The following CEP162 variants were observed in gnomAD, a reference collection of about 807,000 sequenced individuals.
The protein encoded by CEP162 is centrosomal protein of 162 kDa.
Under a neutral mutation model 169.2 loss-of-function variants are expected in CEP162, and 141 were observed. The ratio of observed to expected loss-of-function variants is 0.83; its 90% CI spans 0.73 to 0.96. The LOEUF is 0.96. CEP162 is among the 40% of genes least tolerant of loss of function. The probability of loss-of-function intolerance (pLI) is 0.00; values close to 1 mark genes in which losing one functional copy is unlikely to be tolerated. For missense variants in CEP162, 1,600 were observed against 1,587.2 expected (o/e 1.01, Z -0.14); for synonymous variants, 540 against 526.4 (o/e 1.03, Z -0.35).
At chr6:84,187,302 G>C (rs1457185712) in intron 11 of CEP162, among the ~76,000 whole-genome samples, 1 of 152,066 alleles carries the variant, frequency 6.6e-6, no homozygotes, top group Admixed American at 6.5e-5. Context: ...CAAAAATATG[G>C]GAACTGTTAG....
intron 15 of CEP162, 147 bp downstream of exon 15, chr6:84,174,579 CA>C (rs2099531590): frequency 1.9e-6 from 1 of 514,532 alleles, no homozygotes; most frequent in South Asian, 3.3e-5. Context: ...TGTACGGAAT[CA>C]CTCTTGGAAC....
intron 3 of CEP162, among the ~76,000 whole-genome samples, chr6:84,220,028 GCA>G (rs2099553058): frequency 6.6e-6 from 1 of 152,160 alleles, no homozygotes; most frequent in Non-Finnish European, 1.5e-5. Context: ...ATGAGATAAT[GCA>G]CAGAGGCAGG....
chr6:84,157,811 G>A (rs1401865478), intron 21 of CEP162, among the ~76,000 whole-genome samples: 2 of 152,058 alleles, frequency 1.3e-5, no homozygotes, highest in East Asian at 3.9e-4. Context: ...ATATGCACAT[G>A]AGTGTGTAAA....
At chr6:84,201,704 G>T in intron 8 of CEP162, 33 bp downstream of exon 8, 2 of 1,119,654 alleles carry the variant, frequency 1.8e-6, no homozygotes, top group East Asian at 2.7e-5. Context: ...CTAATTTTTT[G>T]CCAACTAAAA....
At chr6:84,201,080 C>T (rs1208900304) in intron 8 of CEP162, among the ~76,000 whole-genome samples, 175 bp from the exon 9 acceptor site, 4 of 152,186 alleles carry the variant, frequency 2.6e-5, no homozygotes, top group East Asian at 1.9e-4. Flanking sequence ...AGATCGAGAC[C>T]ATCCTGGCTA....
At chr6:84,202,804 T>C (rs2099545163) in intron 7 of CEP162, among the ~76,000 whole-genome samples, 1 of 152,108 alleles carries the variant, frequency 6.6e-6, no homozygotes, top group African/African-American at 2.4e-5. Flanking sequence ...ATAAATCTCA[T>C]TAAATTTCTA....
chr6:84,180,067 CT>C (rs1240143985), intron 13 of CEP162, among the ~76,000 whole-genome samples: 2 of 152,084 alleles, frequency 1.3e-5, no homozygotes, highest in Non-Finnish European at 2.9e-5. Flanking sequence ...ACCAATGCCC[CT>C]GATGAACATT....
intron 9 of CEP162, among the ~76,000 whole-genome samples, chr6:84,195,289 A>G (rs937233114): frequency 3.3e-5 from 5 of 152,210 alleles, no homozygotes; most frequent in Non-Finnish European, 5.9e-5. Flanking sequence ...TAAGCATAAA[A>G]TCTGCTTTCA....
In CEP162 at chr6:84,193,686, C is replaced by A; in HGVS notation, c.1032G>T (p.Leu344=). The change falls in exon 11 of 27, where the codon CTG becomes CTT. Residue 344 remains leucine, a synonymous_variant. Transcript: ENST00000403245. ...GTTTCATCAGCTCCTCTACTGTGGG[C>A]AGATCTAAGAGGTGGAAAAAAAAGT... ...SKNISTMESD[L]PTVEELMKPI... The A allele has an allele frequency of 6.4e-7, 1 of 1,556,942 alleles. No homozygotes were observed. The highest frequency in any genetic ancestry group is 8.7e-7 in the Non-Finnish European group (1 of 1,149,216).
chr6:84,194,514 C>T (rs1042058695), intron 10 of CEP162, among the ~76,000 whole-genome samples: 6 of 149,124 alleles, frequency 4.0e-5, no homozygotes, highest in African/African-American at 2.5e-5. Flanking sequence ...GGAGCAGTGG[C>T]GCAATATTGG....
chr6:84,218,443 G>T (rs2099552396), intron 3 of CEP162, among the ~76,000 whole-genome samples: 1 of 152,160 alleles, frequency 6.6e-6, no homozygotes, highest in Non-Finnish European at 1.5e-5. Context: ...AAGCTATACA[G>T]TATCAAAATT....
Position 84,216,801 on chromosome 6 carries a change from G to C in CEP162, c.173-879C>G, listed in dbSNP as rs1266789958. On this transcript the variant is annotated intron_variant, in intron 3 of 26. Transcript: ENST00000403245. ...GAGTGTCAGAAAGTGGAGAACAAGA[G>C]AGAATATTGATGAAAAATGATTGAC... Among the ~76,000 whole-genome samples the C allele has an allele frequency of 3.9e-5, 6 of 152,258 alleles. 1 individual carries two copies. In the South Asian group the frequency reaches 1.0e-3, roughly 26 times the overall value.
At chr6:84,150,175 T>A (rs150876298) in intron 23 of CEP162, among the ~76,000 whole-genome samples, 126 of 152,238 alleles carry the variant, frequency 8.3e-4, no homozygotes, top group African/African-American at 2.7e-3. Context: ...AATGAGACAA[T>A]CTTTATGGTA....
chr6:84,184,814 T>TC (rs1014988349), intron 13 of CEP162, among the ~76,000 whole-genome samples: 11 of 151,808 alleles, frequency 7.2e-5, no homozygotes, highest in African/African-American at 2.7e-4. Context: ...TCTGACTGCC[T>TC]CCTTGTCACT....
intron 24 of CEP162, among the ~76,000 whole-genome samples, chr6:84,149,192 G>C (rs1215769828): frequency 1.3e-5 from 2 of 152,064 alleles, no homozygotes; most frequent in Middle Eastern, 3.4e-3. Context: ...CTGTCAGCTG[G>C]GACTTGGGGA....
intron 2 of CEP162, among the ~76,000 whole-genome samples, chr6:84,222,854 T>C (rs2127758462): frequency 6.6e-6 from 1 of 152,210 alleles, no homozygotes; most frequent in East Asian, 1.9e-4. Flanking sequence ...AATTTAAAAA[T>C]GTTCAAGAAG....
Position 84,153,197 on chromosome 6 carries a change from T to C in CEP162, c.2995-18A>G, listed in dbSNP as rs1030379863. 1 of 1,579,394 alleles carries C rather than the reference T, an allele frequency of 6.3e-7. No individual in the cohort carries two copies. Among genetic ancestry groups the C allele is most frequent in the Non-Finnish European group, 8.6e-7 (1 of 1,167,232 alleles). The stretch of plus-strand genomic sequence containing the variant: ...TACTGAATCTGAAGGAAAGAATCCA[T>C]GTAATGCCAAACACCTGTTAAACGT... On this transcript the variant is annotated intron_variant, in intron 22 of 26. Coordinates refer to ENST00000403245, the MANE Select transcript of CEP162 (RefSeq NM_014895.4).
chr6:84,153,919 C>T (rs1207432293), intron 22 of CEP162, among the ~76,000 whole-genome samples: 3 of 152,086 alleles, frequency 2.0e-5, no homozygotes, highest in Non-Finnish European at 4.4e-5. Flanking sequence ...GAGGAGGCGA[C>T]GCTGCCCTAA....
rs1049855625 is a variant in CEP162, at chr6:84,180,505, C to T, written c.1663+4682G>A. 8.6e-5 allele frequency among the ~76,000 whole-genome samples: 13 copies of T among 151,338 alleles called. 1 individual carries two copies. The highest frequency in any genetic ancestry group is 1.6e-4 in the Non-Finnish European group (11 of 67,828). On this transcript the variant is annotated intron_variant, in intron 13 of 26. Transcript: ENST00000403245. ...GGAAGTTCTGGCCAGGGCAATCAGG[C>T]AGGAGAAAGAAATAAAGGGTATTCA... is the stretch of plus-strand genomic sequence containing the variant.
Sources: gnomAD v4.1 joint callset for allele counts (sites outside exome capture counted in the v4.1 genomes callset) on GRCh38, gnomAD v4.1.1 for gene constraint, MANE v1.5 for transcripts, NCBI Gene and HGNC (gene_info 2026-07-23, HGNC 2026-07-21) for gene names.